Variants in TTC23 observed in about 807,000 individuals in gnomAD.
TTC23 encodes tetratricopeptide repeat protein 23.
In TTC23, 58 loss-of-function variants were observed where a neutral mutation model predicts 55.1. That is an observed-to-expected ratio of 1.05 (90% CI 0.85 to 1.31). TTC23 has a LOEUF of 1.31. TTC23 is among the 50% of genes most tolerant of loss of function. The pLI is 0.00. For missense variants in TTC23, 516 were observed against 534.4 expected (o/e 0.97, Z 0.34); for synonymous variants, 203 against 199.9 (o/e 1.02, Z -0.13).
intron 3 of TTC23, among the ~76,000 whole-genome samples, chr15:99,235,746 C>T (rs576048921): frequency 1.3e-5 from 2 of 152,278 alleles, no homozygotes; most frequent in African/African-American, 4.8e-5. Flanking sequence ...TACCACTGTC[C>T]ATCTCCAGAA....
At chr15:99,169,148 G>C (rs1371087405) in intron 10 of TTC23, among the ~76,000 whole-genome samples, 2 of 152,210 alleles carry the variant, frequency 1.3e-5, no homozygotes, top group African/African-American at 4.8e-5. Flanking sequence ...GTGGGGCACA[G>C]AGCAGGGATG....
At chr15:99,170,013 T>C (rs1372481298) in intron 10 of TTC23, among the ~76,000 whole-genome samples, 1 of 152,150 alleles carries the variant, frequency 6.6e-6, no homozygotes, top group African/African-American at 2.4e-5. Flanking sequence ...TTGAACCATT[T>C]CATTTTAATA....
chr15:99,176,300 G>C (rs1316012734), intron 9 of TTC23, among the ~76,000 whole-genome samples: 4 of 152,150 alleles, frequency 2.6e-5, no homozygotes. Flanking sequence ...ATTGCCAAAA[G>C]AGTGACAGAA....
intron 10 of TTC23, among the ~76,000 whole-genome samples, chr15:99,172,714 G>A (rs1346742292): frequency 6.6e-6 from 1 of 152,192 alleles, no homozygotes; most frequent in Middle Eastern, 3.2e-3. Flanking sequence ...TAAATGTAGT[G>A]TGGTGAGAAC....
At chr15:99,215,535 A>G (rs1214462207) in intron 8 of TTC23, among the ~76,000 whole-genome samples, 3 of 152,120 alleles carry the variant, frequency 2.0e-5, no homozygotes, top group Non-Finnish European at 2.9e-5. Flanking sequence ...GCTTGAGCCC[A>G]GGAGTTCAAG....
chr15:99,200,027 C>T lies in TTC23; in HGVS notation c.651G>A (p.Glu217=). ...SHYQAALEYV[E]ISKGETSREC... ...CACGACTTGTTTCACCTTTACTGAT[C>T]TCAACATATTCCAAAGCTGCTTGAT... Residue 217 remains glutamate (E), a synonymous_variant, in exon 9 of 14, where the codon GAG becomes GAA. Coordinates refer to ENST00000394132, the MANE Select transcript of TTC23 (RefSeq NM_001288615.3). 3.1e-6 allele frequency: 5 copies of T among 1,614,042 alleles called. No individual in the cohort carries two copies. Among genetic ancestry groups the T allele is most frequent in the Non-Finnish European group, 4.2e-6 (5 of 1,179,976 alleles).
intron 12 of TTC23, among the ~76,000 whole-genome samples, chr15:99,147,204 G>A (rs1262878623): frequency 7.6e-5 from 11 of 143,802 alleles, no homozygotes; most frequent in Admixed American, 2.7e-4. Flanking sequence ...GAGCCACAGC[G>A]CTGGGCCTCC....
intron 4 of TTC23, among the ~76,000 whole-genome samples, chr15:99,233,800 C>T (rs1047430193): frequency 5.9e-5 from 9 of 152,034 alleles, no homozygotes; most frequent in East Asian, 1.9e-4. Flanking sequence ...GATAAAGCTA[C>T]GGTAGGCAAG....
At chr15:99,208,690 TAAAA>T in intron 8 of TTC23, among the ~76,000 whole-genome samples, 1 of 151,418 alleles carries the variant, frequency 6.6e-6, no homozygotes, top group East Asian at 1.9e-4. Flanking sequence ...ACTATTCACA[TAAAA>T]GAAAAGGCAA....
intron 9 of TTC23, among the ~76,000 whole-genome samples, chr15:99,192,258 G>A (rs2075304778): frequency 6.6e-6 from 1 of 152,164 alleles, no homozygotes; most frequent in Non-Finnish European, 1.5e-5. Flanking sequence ...CAGGTAATGA[G>A]GAGTGAATTT....
rs565065454 is a variant in TTC23 at position 99,228,513 on chromosome 15, A to G, written c.180+20T>C. ...AGCTCAATTCTCAGAGTAGAAATAC[A>G]GAAACAAAAGTCTCCTTACCTCATG... is the stretch of plus-strand genomic sequence containing the variant. On this transcript the variant is annotated intron_variant, in intron 5 of 13. Coordinates refer to ENST00000394132, the MANE Select transcript of TTC23 (RefSeq NM_001288615.3). 5.1e-6 allele frequency: 8 copies of G among 1,581,238 alleles called. No individual in the cohort carries two copies. The South Asian group carries it at 9.2e-5, about 18-fold the overall frequency.
chr15:99,184,816 T>C (rs534680608), intron 9 of TTC23, among the ~76,000 whole-genome samples: 17 of 152,308 alleles, frequency 1.1e-4, no homozygotes, highest in African/African-American at 3.8e-4. Context: ...GGCAAAATGA[T>C]ATGGTTTGGC....
At chr15:99,203,078 AC>A (rs779947204) in intron 8 of TTC23, among the ~76,000 whole-genome samples, 3 of 152,190 alleles carry the variant, frequency 2.0e-5, no homozygotes, top group Non-Finnish European at 4.4e-5. Flanking sequence ...CTCCACCCCA[AC>A]ACCAACCACA....
intron 10 of TTC23, among the ~76,000 whole-genome samples, chr15:99,162,901 G>A (rs955654539): frequency 5.3e-5 from 8 of 151,546 alleles, no homozygotes; most frequent in Non-Finnish European, 7.4e-5. Flanking sequence ...TCAACATGGC[G>A]AAACAAAAAA....
At chr15:99,242,267 A>G (rs1442489881) in intron 2 of TTC23, among the ~76,000 whole-genome samples, 1 of 152,134 alleles carries the variant, frequency 6.6e-6, no homozygotes, top group African/African-American at 2.4e-5. Context: ...AAAAGATAAA[A>G]AATACCAAAA....
chr15:99,164,921 G>A (rs1477407323), intron 10 of TTC23, among the ~76,000 whole-genome samples: 1 of 152,060 alleles, frequency 6.6e-6, no homozygotes, highest in Non-Finnish European at 1.5e-5. Flanking sequence ...CATTATCTAG[G>A]CCCAGATTCT....
intron 9 of TTC23, among the ~76,000 whole-genome samples, chr15:99,180,027 C>A (rs1426853813): frequency 6.6e-6 from 1 of 152,182 alleles, no homozygotes; most frequent in Non-Finnish European, 1.5e-5. Context: ...GACTAGGAAT[C>A]ACAGTTAACA....
chr15:99,221,908 A>G lies in TTC23; in HGVS notation c.181-44T>C, dbSNP rs1218271953. The G allele has an allele frequency of 1.9e-6, 3 of 1,604,338 alleles. No homozygotes were observed. In the East Asian group the frequency reaches 6.7e-5, roughly 36 times the overall value. On this transcript the variant is annotated intron_variant, in intron 5 of 13. Transcript: ENST00000394132. ...AGGCTTACCAGTTATACAACTTAAG[A>G]GTCACAAAACACAAAATCAATGCGC... is the stretch of plus-strand genomic sequence containing the variant.
intron 2 of TTC23, among the ~76,000 whole-genome samples, chr15:99,243,474 T>G (rs1217466493): frequency 1.3e-5 from 2 of 152,204 alleles, no homozygotes; most frequent in Non-Finnish European, 2.9e-5. Flanking sequence ...AACTACCATA[T>G]GATCCAGCAG....
Sources: gnomAD v4.1 joint callset for allele counts (sites outside exome capture counted in the v4.1 genomes callset) on GRCh38, gnomAD v4.1.1 for gene constraint, MANE v1.5 for transcripts, NCBI Gene and HGNC (gene_info 2026-07-23, HGNC 2026-07-21) for gene names.